The following PDZRN3 variants were observed in gnomAD, a reference collection of about 807,000 sequenced individuals.
PDZRN3 encodes E3 ubiquitin-protein ligase PDZRN3.
A neutral mutation model predicts 85.7 loss-of-function variants in PDZRN3; 38 were observed. The ratio of observed to expected loss-of-function variants is 0.44; its 90% CI spans 0.34 to 0.58. The LOEUF (loss-of-function observed/expected upper bound fraction) is 0.58. Ranked by LOEUF, PDZRN3 falls within the 20% of genes least tolerant of loss-of-function variation. PDZRN3 has a pLI of 0.01. For missense variants in PDZRN3, 1,629 were observed against 1,506.4 expected, an observed-to-expected ratio of 1.08 and a Z score of -1.35; for synonymous variants, 759 against 638.0, an observed-to-expected ratio of 1.19 and a Z score of -2.86.
intron 1 of PDZRN3, among the ~76,000 whole-genome samples, chr3:73,622,028 T>C (rs138505791): frequency 5.3e-4 from 81 of 152,308 alleles, no homozygotes; most frequent in African/African-American, 1.6e-3. Context: ...TATTTATAAA[T>C]AAGCGTCACT....
chr3:73,391,867 T>G (rs889172197), intron 5 of PDZRN3, among the ~76,000 whole-genome samples: 1 of 152,066 alleles, frequency 6.6e-6, no homozygotes, highest in Non-Finnish European at 1.5e-5. Context: ...CTTGTGCAAG[T>G]TTTTGTAGCT....
chr3:73,398,583 G>C lies in PDZRN3; in HGVS notation c.1254+2339C>G, dbSNP rs146153221. ...ACACTTTGAACAACAGGGTTCTAGG[G>C]AACAGTTTCTGAGTGGCTCCCTCCT... is the stretch of plus-strand genomic sequence containing the variant. On this transcript the variant is annotated intron_variant, in intron 5 of 9. Transcript: ENST00000263666. Among the ~76,000 whole-genome samples, 449 of 152,292 alleles carry C rather than the reference G, an allele frequency of 2.9e-3. 5 individuals are homozygous for C. Among genetic ancestry groups the C allele is most frequent in the African/African-American group, 0.01 (432 of 41,558 alleles).
rs753333948 is a variant in PDZRN3, at chr3:73,383,520, T to C, written c.3046A>G (p.Asn1016Asp). 3 of 1,614,090 alleles carry C rather than the reference T, an allele frequency of 1.9e-6. No homozygotes were observed. In the African/African-American group the frequency reaches 4.0e-5, roughly 22 times the overall value. ...QQAADDRKEM[N>D]ILELSHKKMM... Reference sequence around the variant, plus strand: ...TTTTTGTGGCTCAGTTCGAGAATGTTCATCTCCTTCCTGTCATCGGCTGCT... The same window carrying C: ...TTTTTGTGGCTCAGTTCGAGAATGTCCATCTCCTTCCTGTCATCGGCTGCT... Residue 1016 changes from asparagine to aspartate, a missense_variant, in exon 10 of 10, where the codon AAC becomes GAC. By Grantham distance (23) the Asn-to-Asp change is conservative. Transcript: ENST00000263666.
At chr3:73,504,278 G>T (rs2106692620) in intron 3 of PDZRN3, among the ~76,000 whole-genome samples, 1 of 152,240 alleles carries the variant, frequency 6.6e-6, no homozygotes, top group East Asian at 1.9e-4. Flanking sequence ...AGCTGATAAT[G>T]GGTCATTAAT....
chr3:73,432,375 C>A (rs1457206176), intron 3 of PDZRN3, among the ~76,000 whole-genome samples: 1 of 152,200 alleles, frequency 6.6e-6, no homozygotes, highest in African/African-American at 2.4e-5. Flanking sequence ...TGTGAAGTCA[C>A]AGGTCGGAAA....
chr3:73,513,702 T>C (rs549560015), intron 3 of PDZRN3, among the ~76,000 whole-genome samples: 36 of 152,344 alleles, frequency 2.4e-4, no homozygotes, highest in African/African-American at 7.9e-4. Context: ...TCTCAGACTT[T>C]TGAACCTTTA....
intron 3 of PDZRN3, among the ~76,000 whole-genome samples, chr3:73,534,557 A>C (rs1165944994): frequency 6.6e-6 from 1 of 152,190 alleles, no homozygotes. Flanking sequence ...TGTAGAAAGG[A>C]ATATGTTCAT....
intron 3 of PDZRN3, among the ~76,000 whole-genome samples, chr3:73,530,444 A>C (rs1704626202): frequency 6.6e-6 from 1 of 152,220 alleles, no homozygotes; most frequent in South Asian, 2.1e-4. Context: ...CAACATATTC[A>C]AGTTTTTATG....
intron 2 of PDZRN3, among the ~76,000 whole-genome samples, chr3:73,607,267 T>C (rs954026261): frequency 3.3e-5 from 5 of 152,250 alleles, no homozygotes; most frequent in African/African-American, 9.6e-5. Context: ...TACTCCCTTT[T>C]GTACGTAACT....
chr3:73,574,866 C>T (rs1012827683), intron 3 of PDZRN3, among the ~76,000 whole-genome samples: 1 of 152,184 alleles, frequency 6.6e-6, no homozygotes, highest in Non-Finnish European at 1.5e-5. Context: ...GCAGTTCAGC[C>T]CTGTGCTAAA....
chr3:73,401,331 G>GA (rs1294883137), intron 4 of PDZRN3, among the ~76,000 whole-genome samples: 2 of 152,120 alleles, frequency 1.3e-5, no homozygotes, highest in Non-Finnish European at 2.9e-5. Context: ...CTCTACGCAG[G>GA]AAACAGGACA....
chr3:73,519,056 A>G (rs1454343130), intron 3 of PDZRN3, among the ~76,000 whole-genome samples: 2 of 152,218 alleles, frequency 1.3e-5, no homozygotes, highest in Admixed American at 6.5e-5. Context: ...TTCCCTCCAC[A>G]GCCACAGCCC....
At chr3:73,550,238 G>C (rs77852123) in intron 3 of PDZRN3, among the ~76,000 whole-genome samples, 1 of 152,052 alleles carries the variant, frequency 6.6e-6, no homozygotes, top group African/African-American at 2.4e-5. Context: ...AAGTCTCGCC[G>C]CCACCCCTCA....
At chr3:73,567,342 A>G (rs1701967632) in intron 3 of PDZRN3, among the ~76,000 whole-genome samples, 3 of 152,200 alleles carry the variant, frequency 2.0e-5, no homozygotes, top group Admixed American at 2.0e-4. Flanking sequence ...TTCAAACTAT[A>G]TGTGAATATG....
intron 3 of PDZRN3, among the ~76,000 whole-genome samples, chr3:73,436,981 G>C (rs1158513524): frequency 6.6e-6 from 1 of 151,234 alleles, no homozygotes; most frequent in East Asian, 1.9e-4. Flanking sequence ...GGGAGGTGGA[G>C]GTTGCAGTTA....
At chr3:73,582,797 T>C (rs1389109919) in intron 3 of PDZRN3, among the ~76,000 whole-genome samples, 2 of 152,156 alleles carry the variant, frequency 1.3e-5, no homozygotes, top group Non-Finnish European at 1.5e-5. Flanking sequence ...CTATGTATTA[T>C]TGCAGTGTTG....
Position 73,384,520 on chromosome 3 carries a change from G to T in PDZRN3, c.2046C>A (p.Asp682Glu), listed in dbSNP as rs756113835. The T allele has an allele frequency of 6.2e-7, 1 of 1,613,580 alleles. No homozygotes were observed. Among genetic ancestry groups the T allele is most frequent in the African/African-American group, 1.3e-5 (1 of 74,944 alleles). The change falls in exon 10 of 10, where the codon GAC becomes GAA. Residue 682 changes from aspartate to glutamate, a missense_variant. Physicochemically the swap from Asp to Glu is conservative, Grantham distance 45 (BLOSUM62 2). Coordinates refer to ENST00000263666, the MANE Select transcript of PDZRN3 (RefSeq NM_015009.3). The stretch of plus-strand genomic sequence containing the variant: ...CTTCGTTCAGCAGCTCCAGCTCCTT[G>T]TCCACGCTCTCAGGGTCACTCTTGC... The part of the protein sequence containing the change: ...DAGKSDPESV[D>E]KELELLNEEL...
At chr3:73,609,876 G>A (rs966589317) in intron 1 of PDZRN3, among the ~76,000 whole-genome samples, 10 of 152,188 alleles carry the variant, frequency 6.6e-5, no homozygotes, top group African/African-American at 2.4e-4. Flanking sequence ...TGCCCTGTGA[G>A]TTTTCTGGAG....
intron 3 of PDZRN3, among the ~76,000 whole-genome samples, chr3:73,429,386 A>G (rs1029616210): frequency 1.9e-4 from 29 of 152,338 alleles, no homozygotes; most frequent in Admixed American, 9.8e-4. Context: ...ATGTTCATCC[A>G]ATTAACCGTC....
Sources: gnomAD v4.1 joint callset for allele counts (sites outside exome capture counted in the v4.1 genomes callset) on GRCh38, gnomAD v4.1.1 for gene constraint, MANE v1.5 for transcripts, NCBI Gene and HGNC (gene_info 2026-07-23, HGNC 2026-07-21) for gene names.